PCDH15: variants seen among roughly 807,000 people sequenced by gnomAD.
The protein encoded by PCDH15 is protocadherin related 15, also known as protocadherin-15.
Under a neutral mutation model 178.5 loss-of-function variants are expected in PCDH15, and 129 were observed. That is an observed-to-expected ratio of 0.72 (90% CI 0.63 to 0.84). The LOEUF is 0.84. Among genes scored for constraint, PCDH15 ranks in the 40% least tolerant of loss-of-function variants. PCDH15 has a pLI of 0.00. For missense variants in PCDH15, 2,230 were observed against 2,099.9 expected, an observed-to-expected ratio of 1.06 and a Z score of -1.21; for synonymous variants, 800 against 732.0, an observed-to-expected ratio of 1.09 and a Z score of -1.50.
At chr10:55,119,879 A>C (rs575949475) in intron 2 of PCDH15, among the ~76,000 whole-genome samples, 2 of 152,284 alleles carry the variant, frequency 1.3e-5, no homozygotes, top group East Asian at 3.9e-4. Flanking sequence ...CTTAGTATAT[A>C]TGTGTGTGGC....
intron 18 of PCDH15, among the ~76,000 whole-genome samples, chr10:54,025,529 T>C (rs563372500): frequency 2.6e-5 from 4 of 151,316 alleles, no homozygotes; most frequent in Non-Finnish European, 5.9e-5. Context: ...GACCAAGCCT[T>C]GCTCTGTTGC....
chr10:53,850,590 A>G (rs1401131126), intron 28 of PCDH15, among the ~76,000 whole-genome samples: 2 of 152,144 alleles, frequency 1.3e-5, no homozygotes, highest in Non-Finnish European at 2.9e-5. Context: ...AGTAAATTAT[A>G]CCTTGAATAA....
At chr10:54,922,079 A>T (rs1262849879) in intron 2 of PCDH15, among the ~76,000 whole-genome samples, 4 of 152,176 alleles carry the variant, frequency 2.6e-5, no homozygotes, top group Non-Finnish European at 5.9e-5. Context: ...CAGGTATTAC[A>T]ATTCAACATG....
At chr10:54,071,390 T>A (rs1175616879) in intron 17 of PCDH15, among the ~76,000 whole-genome samples, 1 of 152,192 alleles carries the variant, frequency 6.6e-6, no homozygotes, top group Non-Finnish European at 1.5e-5. Flanking sequence ...TGTGTAATAC[T>A]ACGAATTTAA....
At chr10:54,953,384 T>G (rs1838395529) in intron 2 of PCDH15, among the ~76,000 whole-genome samples, 1 of 151,480 alleles carries the variant, frequency 6.6e-6, no homozygotes, top group Non-Finnish European at 1.5e-5. Flanking sequence ...TTTGCTGTAG[T>G]GTATACTTTT....
At chr10:53,942,132 T>C (rs978932936) in intron 23 of PCDH15, among the ~76,000 whole-genome samples, 7 of 152,230 alleles carry the variant, frequency 4.6e-5, no homozygotes, top group African/African-American at 1.7e-4. Flanking sequence ...TTCTCACAGA[T>C]ACTCTAGCAC....
At chr10:54,561,868 G>A (rs2088211829) in intron 2 of PCDH15, among the ~76,000 whole-genome samples, 1 of 151,014 alleles carries the variant, frequency 6.6e-6, no homozygotes, top group Non-Finnish European at 1.5e-5. Flanking sequence ...ATTTTTAGTA[G>A]CGACAGGGTT....
intron 3 of PCDH15, among the ~76,000 whole-genome samples, chr10:54,473,114 G>C (rs1346360457): frequency 3.3e-5 from 5 of 151,974 alleles, no homozygotes; most frequent in Non-Finnish European, 7.4e-5. Context: ...TTAGATAATG[G>C]CCACAGGAGT....
chr10:55,320,703 C>A (rs1843871982), upstream of PCDH15, among the ~76,000 whole-genome samples: 1 of 152,052 alleles, frequency 6.6e-6, no homozygotes, highest in South Asian at 2.1e-4. Context: ...AGAAATGATG[C>A]CAGTTGACTG....
At chr10:54,406,615 C>T (rs951921298) in intron 3 of PCDH15, among the ~76,000 whole-genome samples, 4 of 152,092 alleles carry the variant, frequency 2.6e-5, no homozygotes. Flanking sequence ...AAAAACAGAA[C>T]CGCAGTAGCC....
chr10:54,017,731 A>G (rs942486079), intron 20 of PCDH15, among the ~76,000 whole-genome samples: 11 of 152,096 alleles, frequency 7.2e-5, no homozygotes, highest in Non-Finnish European at 1.6e-4. Context: ...CATATCCCAA[A>G]CCTCAGCATC....
chr10:54,327,993 C>T (rs1348913110), intron 7 of PCDH15, among the ~76,000 whole-genome samples: 1 of 152,054 alleles, frequency 6.6e-6, no homozygotes, highest in Non-Finnish European at 1.5e-5. Context: ...CACCAAAGTT[C>T]ATCCTTTACA....
intron 2 of PCDH15, among the ~76,000 whole-genome samples, chr10:54,905,785 T>C (rs1954708992): frequency 6.6e-6 from 1 of 152,142 alleles, no homozygotes; most frequent in South Asian, 2.1e-4. Context: ...AGAACTCTTC[T>C]GTCAAAACAG....
intron 2 of PCDH15, among the ~76,000 whole-genome samples, chr10:55,578,362 C>G (rs191271069): frequency 3.9e-5 from 6 of 151,988 alleles, no homozygotes; most frequent in Admixed American, 3.3e-4. Flanking sequence ...GGATTACAGG[C>G]GCCTGCCACC....
chr10:54,622,266 G>T (rs1214253352), intron 2 of PCDH15, among the ~76,000 whole-genome samples: 8 of 151,528 alleles, frequency 5.3e-5, no homozygotes, highest in Non-Finnish European at 1.5e-5. Context: ...GTGTGTGTGT[G>T]TTTATCTATT....
intron 3 of PCDH15, among the ~76,000 whole-genome samples, chr10:54,418,231 C>T (rs1187259286): frequency 6.6e-6 from 1 of 151,928 alleles, no homozygotes; most frequent in Admixed American, 6.6e-5. Flanking sequence ...ATGTTTCATC[C>T]TTTGTACTAA....
chr10:55,449,637 T>C (rs1839391400), intron 2 of PCDH15, among the ~76,000 whole-genome samples: 1 of 152,078 alleles, frequency 6.6e-6, no homozygotes, highest in East Asian at 1.9e-4. Flanking sequence ...AAATATATGA[T>C]AGGAATAATA....
At chr10:55,564,025 GTAT>G (rs1399146094) in intron 2 of PCDH15, among the ~76,000 whole-genome samples, 2 of 151,812 alleles carry the variant, frequency 1.3e-5, no homozygotes, top group African/African-American at 4.8e-5. Flanking sequence ...ATAAAAGCTA[GTAT>G]TATTGTAACA....
At chr10:55,359,250 A>C (rs1845160566) in intron 2 of PCDH15, among the ~76,000 whole-genome samples, 1 of 151,994 alleles carries the variant, frequency 6.6e-6, no homozygotes, top group Non-Finnish European at 1.5e-5. Flanking sequence ...AAGTATACTA[A>C]AATCCCCTTG....
Sources: allele counts gnomAD v4.1 joint callset (sites outside exome capture counted in the v4.1 genomes callset), GRCh38; gene constraint gnomAD v4.1.1; transcripts MANE v1.5; gene names NCBI Gene and HGNC (gene_info 2026-07-23, HGNC 2026-07-21).